COL21A1: variants seen among roughly 807,000 people sequenced by gnomAD.
COL21A1 encodes collagen alpha-1(XXI) chain.
Under a neutral mutation model 137.9 loss-of-function variants are expected in COL21A1, and 149 were observed. The ratio of observed to expected loss-of-function variants is 1.08; its 90% CI spans 0.95 to 1.24. The LOEUF (loss-of-function observed/expected upper bound fraction) is 1.24, where lower values mean the gene tolerates loss of function less well. COL21A1 is among the 50% of genes most tolerant of loss of function. The pLI, the probability that COL21A1 is intolerant of heterozygous loss-of-function variation, is 0.00. For synonymous variants in COL21A1, 456 were observed against 391.5 expected (o/e 1.16, Z -1.95); for missense variants, 1,167 against 1,158.4 (o/e 1.01, Z -0.11).
intron 12 of COL21A1, among the ~76,000 whole-genome samples, chr6:56,131,794 T>A (rs1201160132): frequency 6.6e-6 from 1 of 152,102 alleles, no homozygotes; most frequent in Non-Finnish European, 1.5e-5. Context: ...ATATACTATA[T>A]GCTGTTGAGA....
At chr6:56,276,456 A>C (rs774167035) in intron 1 of COL21A1, 104 of 643,062 alleles carry the variant, frequency 1.6e-4, no homozygotes, top group Non-Finnish European at 2.5e-4. Context: ...CTTTCTTTCT[A>C]ATGTAAAAAT....
intron 1 of COL21A1, among the ~76,000 whole-genome samples, chr6:56,253,948 C>T (rs1335277285): frequency 6.6e-6 from 1 of 152,120 alleles, no homozygotes; most frequent in Non-Finnish European, 1.5e-5. Flanking sequence ...AGATGTAACA[C>T]CCCAAATTGA....
At chr6:56,340,269 T>C (rs1039095067) in intron 1 of COL21A1, among the ~76,000 whole-genome samples, 1 of 152,166 alleles carries the variant, frequency 6.6e-6, no homozygotes, top group Non-Finnish European at 1.5e-5. Context: ...GGCTGTGGTC[T>C]TTCTCCTTGA....
chr6:56,191,159 C>T (rs896902731), intron 1 of COL21A1, among the ~76,000 whole-genome samples: 20 of 152,108 alleles, frequency 1.3e-4, no homozygotes, highest in African/African-American at 4.1e-4. Context: ...GAGAGGAAGT[C>T]GAATTTTCTC....
intron 10 of COL21A1, among the ~76,000 whole-genome samples, chr6:56,145,061 T>C (rs984514290): frequency 1.3e-5 from 2 of 152,208 alleles, no homozygotes; most frequent in African/African-American, 4.8e-5. Flanking sequence ...ACAAGAATAC[T>C]TCTGCAGAAT....
rs567618394 is a variant in COL21A1 at position 56,066,942 on chromosome 6, T to C, written c.2127+353A>G. ...GCCATAAAACAATTTCAAGTCATTT[T>C]TGGAAACACACTGTGTGTGTGTATA... On this transcript the variant is annotated intron_variant, in intron 23 of 29. Coordinates refer to ENST00000244728, the MANE Select transcript of COL21A1 (RefSeq NM_030820.4). Among the ~76,000 whole-genome samples, 9 of 150,812 alleles carry C rather than the reference T, an allele frequency of 6.0e-5. No individual in the cohort carries two copies. The East Asian group carries it at 1.6e-3, about 26-fold the overall frequency.
intron 17 of COL21A1, among the ~76,000 whole-genome samples, chr6:56,093,972 C>T (rs1016108453): frequency 6.6e-6 from 1 of 152,156 alleles, no homozygotes; most frequent in Non-Finnish European, 1.5e-5. Flanking sequence ...CTTTGTCTAG[C>T]CACAACCTTA....
rs1424081707 is a variant in COL21A1, at chr6:56,368,486, G to A, written c.-39+25485C>T. Among the ~76,000 whole-genome samples the A allele has an allele frequency of 2.0e-5, 3 of 152,172 alleles. No homozygotes were observed. In the South Asian group the frequency reaches 6.2e-4, roughly 32 times the overall value. ...AATTCAATGTGAAATGGCTTGATTT[G>A]TCTACAGTTAGAAGAAAATCTCGGT... On this transcript the variant is annotated intron_variant, in intron 1 of 28. Coordinates refer to the COL21A1 transcript ENST00000370819.
At chr6:56,214,641 G>A (rs913153806) in intron 1 of COL21A1, among the ~76,000 whole-genome samples, 4 of 151,440 alleles carry the variant, frequency 2.6e-5, no homozygotes, top group Non-Finnish European at 5.9e-5. Flanking sequence ...AACAGTCAAG[G>A]CCCCCCTTTT....
intron 1 of COL21A1, among the ~76,000 whole-genome samples, chr6:56,287,255 C>T (rs560957490): frequency 9.2e-5 from 14 of 152,166 alleles, no homozygotes; most frequent in African/African-American, 3.1e-4. Flanking sequence ...CATTGTGGCC[C>T]TGTGGTGGAA....
chr6:56,386,102 C>T (rs532524650), intron 1 of COL21A1, among the ~76,000 whole-genome samples: 4 of 152,112 alleles, frequency 2.6e-5, no homozygotes, highest in Non-Finnish European at 5.9e-5. Flanking sequence ...GCGCTTGCCA[C>T]CACGCCCAGC....
chr6:56,090,750 A>C (rs1006573232), intron 17 of COL21A1, among the ~76,000 whole-genome samples: 1 of 151,676 alleles, frequency 6.6e-6, no homozygotes, highest in Non-Finnish European at 1.5e-5. Context: ...ACATTATTAC[A>C]ATAATAAATA....
At chr6:56,073,826 C>T (rs1262764263) in intron 20 of COL21A1, among the ~76,000 whole-genome samples, 1 of 151,382 alleles carries the variant, frequency 6.6e-6, no homozygotes, top group African/African-American at 2.4e-5. Flanking sequence ...ACAAGGCACT[C>T]TATATACATT....
chr6:56,364,108 C>A (rs905669947), intron 1 of COL21A1, among the ~76,000 whole-genome samples: 5 of 151,898 alleles, frequency 3.3e-5, no homozygotes, highest in East Asian at 3.8e-4. Flanking sequence ...ATATCTACAT[C>A]TTTGACGGAG....
chr6:56,385,095 G>A (rs1162980972), intron 1 of COL21A1, among the ~76,000 whole-genome samples: 3 of 152,192 alleles, frequency 2.0e-5, no homozygotes, highest in African/African-American at 2.4e-5. Context: ...GGGTAGCACC[G>A]CCAACAGGAG....
chr6:56,150,190 T>C (rs1405282202), intron 10 of COL21A1, among the ~76,000 whole-genome samples: 1 of 152,178 alleles, frequency 6.6e-6, no homozygotes, highest in African/African-American at 2.4e-5. Flanking sequence ...GCTGCCCCTG[T>C]CTGCACCTCT....
At chr6:56,107,457 TA>T (rs1026745915) in intron 16 of COL21A1, among the ~76,000 whole-genome samples, 8 of 152,120 alleles carry the variant, frequency 5.3e-5, no homozygotes, top group Admixed American at 6.5e-5. Context: ...TCTTCCTTTC[TA>T]AAGCTTTTTG....
intron 1 of COL21A1, among the ~76,000 whole-genome samples, chr6:56,322,381 C>T (rs1434938968): frequency 6.6e-6 from 1 of 152,134 alleles, no homozygotes; most frequent in Non-Finnish European, 1.5e-5. Context: ...CCAACTACCA[C>T]TTCTTCAAGC....
intron 1 of COL21A1, among the ~76,000 whole-genome samples, chr6:56,279,153 G>A (rs1180129469): frequency 2.6e-5 from 4 of 151,976 alleles, no homozygotes; most frequent in African/African-American, 9.7e-5. Flanking sequence ...ATGAGATCTG[G>A]GTGTTTAAAA....
Sources: gnomAD v4.1 joint callset for allele counts (sites outside exome capture counted in the v4.1 genomes callset) on GRCh38, gnomAD v4.1.1 for gene constraint, MANE v1.5 for transcripts, NCBI Gene and HGNC (gene_info 2026-07-23, HGNC 2026-07-21) for gene names.